The following KATNAL2 variants were observed in gnomAD, a reference collection of about 807,000 sequenced individuals.
The protein encoded by KATNAL2 is katanin catalytic subunit A1 like 2.
Under a neutral mutation model 76.3 loss-of-function variants are expected in KATNAL2, and 52 were observed. The observed-to-expected ratio is 0.68, with a 90% CI of 0.55 to 0.86. The LOEUF is 0.86. Among genes scored for constraint, KATNAL2 ranks in the 40% least tolerant of loss-of-function variants. The pLI, the probability that KATNAL2 is intolerant of heterozygous loss-of-function variation, is 0.00. For synonymous variants in KATNAL2, 243 were observed against 244.2 expected (o/e 1.00, Z 0.05); for missense variants, 660 against 668.9 (o/e 0.99, Z 0.15).
At position 46,917,940 on chromosome 18, in the gene KATNAL2, C is replaced by T. The variant is rs1369476950; in HGVS notation, c.-510+14C>T. On this transcript the variant is annotated intron_variant, in intron 1 of 17. Transcript: ENST00000683218. ...TATGGGTGTTGGGTAAGCTATTGTT[C>T]CCATCTAATGGTGAGGTTGTGTGAC... 1 of 152,184 alleles carries T rather than the reference C, an allele frequency of 6.6e-6. No homozygotes were observed. Among genetic ancestry groups the T allele is most frequent in the Non-Finnish European group, 1.5e-5 (1 of 68,054 alleles). The allele number at this position is 152,184 out of a possible 1,614,324, so 9.4% of individuals were successfully genotyped here.
intron 6 of KATNAL2, among the ~76,000 whole-genome samples, chr18:47,055,087 T>C (rs1233338991): frequency 1.3e-5 from 2 of 152,210 alleles, no homozygotes; most frequent in Non-Finnish European, 2.9e-5. Context: ...GGTGCACATA[T>C]TCTCTCACAA....
intron 4 of KATNAL2, among the ~76,000 whole-genome samples, chr18:47,048,790 G>A (rs531551267): frequency 4.6e-5 from 7 of 151,622 alleles, no homozygotes; most frequent in African/African-American, 1.7e-4. Context: ...TCATAGGGAC[G>A]GCTTCCAGGA....
intron 1 of KATNAL2, among the ~76,000 whole-genome samples, chr18:46,937,627 C>G (rs890583411): frequency 2.6e-5 from 4 of 152,082 alleles, no homozygotes; most frequent in African/African-American, 9.7e-5. Flanking sequence ...TTTATCATTT[C>G]TGAGTTCTAT....
intron 3 of KATNAL2, among the ~76,000 whole-genome samples, chr18:46,950,810 G>A (rs570838751): frequency 2.0e-5 from 3 of 151,862 alleles, no homozygotes; most frequent in Non-Finnish European, 4.4e-5. Context: ...TCAGCCTCCT[G>A]AGTAGCTGGG....
At chr18:47,033,625 A>C (rs753460463) in intron 3 of KATNAL2, 1 of 1,614,154 alleles carries the variant, frequency 6.2e-7, no homozygotes, top group Non-Finnish European at 8.5e-7. Context: ...GACCTCTCCC[A>C]CGTCGCTGAG....
At chr18:46,961,099 A>G (rs1203709965) in intron 3 of KATNAL2, among the ~76,000 whole-genome samples, 4 of 152,238 alleles carry the variant, frequency 2.6e-5, no homozygotes, top group East Asian at 1.9e-4. Context: ...TTCCTCATAC[A>G]ATGTCTGGAA....
At chr18:46,938,218 T>TG in intron 1 of KATNAL2, among the ~76,000 whole-genome samples, 2 of 152,218 alleles carry the variant, frequency 1.3e-5, no homozygotes, top group Admixed American at 6.5e-5. Flanking sequence ...AAAAGTTATC[T>TG]ACTCTTTATA....
At chr18:47,051,356 A>G (rs1159162288) in intron 4 of KATNAL2, among the ~76,000 whole-genome samples, 1 of 152,034 alleles carries the variant, frequency 6.6e-6, no homozygotes, top group Non-Finnish European at 1.5e-5. Flanking sequence ...GTTTGAGCCC[A>G]GGAGTTCCAG....
At chr18:47,087,852 GT>G (rs985982824) in intron 15 of KATNAL2, among the ~76,000 whole-genome samples, 1 of 151,496 alleles carries the variant, frequency 6.6e-6, no homozygotes, top group Admixed American at 6.6e-5. Flanking sequence ...TCTATGGCCT[GT>G]TTTTTTTCCT....
intron 3 of KATNAL2, chr18:47,035,226 C>T (rs2060712035): frequency 1.2e-6 from 2 of 1,612,836 alleles, no homozygotes; most frequent in Non-Finnish European, 1.7e-6. Context: ...GCACCTGCAG[C>T]TTCTCCACTG....
At chr18:47,055,270 G>A (rs926033311) in intron 6 of KATNAL2, among the ~76,000 whole-genome samples, 3 of 152,172 alleles carry the variant, frequency 2.0e-5, no homozygotes, top group African/African-American at 7.2e-5. Context: ...TTACAGTAGG[G>A]CCTAAACCTC....
chr18:47,096,864 G>A (rs772342627), intron 15 of KATNAL2, among the ~76,000 whole-genome samples: 7 of 152,094 alleles, frequency 4.6e-5, no homozygotes, highest in Admixed American at 1.3e-4. Context: ...CAGGCCAGGC[G>A]TGGTGGTTCA....
intron 3 of KATNAL2, among the ~76,000 whole-genome samples, chr18:46,967,981 C>T (rs1355405283): frequency 6.7e-5 from 8 of 119,008 alleles, no homozygotes; most frequent in Non-Finnish European, 9.4e-5. Context: ...GGCTGGAGTG[C>T]AGTGGAATGA....
intron 1 of KATNAL2, among the ~76,000 whole-genome samples, chr18:46,931,139 T>A (rs28802325): frequency 0.011 from 1,311 of 122,636 alleles, 26 homozygotes; most frequent in East Asian, 0.043. Flanking sequence ...ATAATAATAA[T>A]AAATAAATAA....
chr18:47,099,508 G>C (rs113293483), intron 16 of KATNAL2, 103 bp downstream of exon 16: 3 of 1,141,274 alleles, frequency 2.6e-6, no homozygotes, highest in African/African-American at 3.1e-5. Flanking sequence ...GAGACACTTA[G>C]AATAAGATCC....
rs549646540 is a variant in KATNAL2 at position 47,083,579 on chromosome 18, C to T, written c.1211+6118C>T. ...CAGCCTTTGTTTATTCAGCCCTTCT[C>T]CTCCAAAGAGCACCTTCCCTAGTCT... On this transcript the variant is annotated intron_variant, in intron 15 of 17. Transcript: ENST00000683218. Among the ~76,000 whole-genome samples the T allele has an allele frequency of 2.6e-5, 4 of 152,324 alleles. No individual in the cohort carries two copies. The South Asian group carries it at 8.3e-4, about 32-fold the overall frequency.
At chr18:47,040,889 CTG>C (rs1192665486) in intron 3 of KATNAL2, among the ~76,000 whole-genome samples, 1 of 152,166 alleles carries the variant, frequency 6.6e-6, no homozygotes, top group African/African-American at 2.4e-5. Flanking sequence ...TGGGGGAAGA[CTG>C]TGGTCATTAA....
intron 3 of KATNAL2, among the ~76,000 whole-genome samples, chr18:46,947,347 G>A (rs1002529738): frequency 2.0e-5 from 3 of 152,212 alleles, no homozygotes; most frequent in Admixed American, 1.3e-4. Flanking sequence ...CATCACTAAG[G>A]CGAGAGATCT....
intron 3 of KATNAL2, among the ~76,000 whole-genome samples, chr18:46,955,108 T>TTCCC (rs1244702961): frequency 1.8e-5 from 2 of 113,804 alleles, no homozygotes; most frequent in African/African-American, 6.3e-5. Flanking sequence ...CCTCCCTCCC[T>TTCCC]TCCTTCCTTT....
Sources: gnomAD v4.1 joint callset for allele counts (sites outside exome capture counted in the v4.1 genomes callset) on GRCh38, gnomAD v4.1.1 for gene constraint, MANE v1.5 for transcripts, NCBI Gene and HGNC (gene_info 2026-07-23, HGNC 2026-07-21) for gene names.